DNAJC3: variants seen among roughly 807,000 people sequenced by gnomAD.
The protein encoded by DNAJC3 is dnaJ homolog subfamily C member 3.
A neutral mutation model predicts 68.6 loss-of-function variants in DNAJC3; 38 were observed. That is an observed-to-expected ratio of 0.55 (90% CI 0.43 to 0.73). DNAJC3 has a LOEUF of 0.73. Ranked by LOEUF, DNAJC3 falls within the 30% of genes least tolerant of loss-of-function variation. The pLI, the probability that DNAJC3 is intolerant of heterozygous loss-of-function variation, is 0.00. For missense variants in DNAJC3, 526 were observed against 591.9 expected (o/e 0.89, Z 1.16); for synonymous variants, 203 against 204.0 (o/e 1.00, Z 0.04).
rs774518668 is a variant in DNAJC3, at chr13:95,763,860, G to A, written c.982G>A (p.Val328Ile). The A allele has an allele frequency of 1.9e-6, 3 of 1,614,058 alleles. No homozygotes were observed. The highest frequency in any genetic ancestry group is 2.5e-6 in the Non-Finnish European group (3 of 1,179,952). ...KDEKPVEAIR[V>I]CSEVLQMEPD... ...CGAGAAGCCTGTTGAAGCTATTAGG[G>A]TTTGTTCTGAAGTTTTACAGATGGA... Residue 328 changes from valine to isoleucine, a missense_variant, in exon 9 of 12, where the codon GTT (valine) becomes ATT (isoleucine). Physicochemically the swap from Val to Ile is conservative, Grantham distance 29 (BLOSUM62 3). Transcript: ENST00000602402.
intron 5 of DNAJC3, among the ~76,000 whole-genome samples, chr13:95,759,168 A>T (rs1882748852): frequency 6.6e-6 from 1 of 152,228 alleles, no homozygotes; most frequent in Admixed American, 6.5e-5. Context: ...TGTGTTTCCT[A>T]AACCCTTATG....
At position 95,677,173 on chromosome 13, in the gene DNAJC3, G is replaced by C. The variant is rs1879773666; in HGVS notation, c.-83G>C. The C allele has an allele frequency of 3.7e-6, 5 of 1,335,962 alleles. No individual in the cohort carries two copies. In the Admixed American group the frequency reaches 1.0e-4, roughly 27 times the overall value. The allele number at this position is 1,335,962 out of a possible 1,614,324, so 82.8% of individuals were successfully genotyped here. The stretch of plus-strand genomic sequence containing the variant: ...GAGGCCTGAGCGAGAGCCGACGGCG[G>C]GCGGGCGCAGCTGCTGCCGGAGCGC... On this transcript the variant is annotated 5_prime_UTR_variant, in exon 1 of 12. Coordinates refer to ENST00000602402, the MANE Select transcript of DNAJC3 (RefSeq NM_006260.5).
intron 10 of DNAJC3, 110 bp downstream of exon 10, chr13:95,786,181 G>T: frequency 3.3e-6 from 4 of 1,200,056 alleles, no homozygotes; most frequent in Non-Finnish European, 4.6e-6. Context: ...TGTAATTTCA[G>T]TCATATGGAT....
At chr13:95,753,920 A>C (rs1397000067) in intron 4 of DNAJC3, among the ~76,000 whole-genome samples, 1 of 152,242 alleles carries the variant, frequency 6.6e-6, no homozygotes, top group Non-Finnish European at 1.5e-5. Flanking sequence ...TAATTCATTC[A>C]TCTAGACTTT....
rs1483156590 is a variant in DNAJC3 at position 95,790,994 on chromosome 13, A to G, written c.1479A>G (p.Ser493=). 1.2e-6 allele frequency: 2 copies of G among 1,613,840 alleles called. No individual in the cohort carries two copies. Among genetic ancestry groups the G allele is most frequent in the East Asian group, 2.2e-5 (1 of 44,872 alleles). Residue 493 remains serine (S), a synonymous_variant, in exon 12 of 12, where the codon TCA becomes TCG. Coordinates refer to ENST00000602402, the MANE Select transcript of DNAJC3 (RefSeq NM_006260.5). ...NSWQGFNPFS[S]GGPFRFKFHF... is the part of the protein sequence containing the mutation. ...GGCAAGGGTTCAATCCCTTCAGCTCAGGCGGACCATTTAGATTTAAATTCC... is the reference window on the plus strand; with the variant it reads ...GGCAAGGGTTCAATCCCTTCAGCTCGGGCGGACCATTTAGATTTAAATTCC...
At chr13:95,763,557 A>C in intron 7 of DNAJC3, 86 bp from the exon 8 acceptor site, 1 of 1,291,730 alleles carries the variant, frequency 7.7e-7, no homozygotes, top group East Asian at 2.4e-5. Flanking sequence ...TTGATTAAGC[A>C]ACACATGGTG....
At chr13:95,731,893 C>G (rs1251390421) in intron 4 of DNAJC3, among the ~76,000 whole-genome samples, 3 of 149,490 alleles carry the variant, frequency 2.0e-5, no homozygotes, top group Non-Finnish European at 4.4e-5. Context: ...CATCACCACG[C>G]CTGGCTAATT....
At chr13:95,698,978 A>G (rs1880520745) in intron 1 of DNAJC3, among the ~76,000 whole-genome samples, 2 of 152,166 alleles carry the variant, frequency 1.3e-5, no homozygotes, top group Non-Finnish European at 2.9e-5. Context: ...CAGAATTTTT[A>G]GTATAAGTGC....
intron 4 of DNAJC3, among the ~76,000 whole-genome samples, chr13:95,748,570 C>G (rs1241517011): frequency 6.6e-6 from 1 of 152,068 alleles, no homozygotes; most frequent in Non-Finnish European, 1.5e-5. Context: ...AATCCCAGCA[C>G]TTTGGGAGGT....
intron 1 of DNAJC3, among the ~76,000 whole-genome samples, chr13:95,681,614 A>G (rs1327235095): frequency 6.6e-6 from 1 of 152,220 alleles, no homozygotes; most frequent in Non-Finnish European, 1.5e-5. Flanking sequence ...TTGGCCTCCC[A>G]AAGTGTTGAG....
At chr13:95,691,050 C>T (rs1400343443) in intron 1 of DNAJC3, among the ~76,000 whole-genome samples, 1 of 143,136 alleles carries the variant, frequency 7.0e-6, no homozygotes, top group Non-Finnish European at 1.5e-5. Flanking sequence ...GATGGAGCGG[C>T]TGGCCGGGCA....
chr13:95,709,885 C>T (rs17878352), intron 2 of DNAJC3, among the ~76,000 whole-genome samples: 3 of 152,090 alleles, frequency 2.0e-5, no homozygotes, highest in Non-Finnish European at 2.9e-5. Context: ...GTGATCCGCC[C>T]GCCTCGGCCT....
intron 9 of DNAJC3, among the ~76,000 whole-genome samples, chr13:95,773,450 C>T (rs1388370259): frequency 2.6e-5 from 4 of 151,798 alleles, no homozygotes; most frequent in Admixed American, 6.6e-5. Flanking sequence ...GGACTACAGG[C>T]GTTAAGTCAC....
At chr13:95,700,661 A>G (rs1472658756) in intron 1 of DNAJC3, among the ~76,000 whole-genome samples, 1 of 152,226 alleles carries the variant, frequency 6.6e-6, no homozygotes, top group Non-Finnish European at 1.5e-5. Flanking sequence ...GCTTTTGGTG[A>G]CTAAAATGGC....
intron 2 of DNAJC3, among the ~76,000 whole-genome samples, chr13:95,715,681 T>C (rs1388598807): frequency 1.4e-5 from 2 of 147,698 alleles, no homozygotes; most frequent in Middle Eastern, 3.2e-3. Context: ...AGAGACGGGG[T>C]TTCACCATGT....
chr13:95,761,771 CT>C (rs796680903), intron 7 of DNAJC3, among the ~76,000 whole-genome samples: 338 of 142,504 alleles, frequency 2.4e-3, no homozygotes, highest in East Asian at 5.0e-3. Context: ...TTGGGATTGG[CT>C]TTTTTTTTTT....
At chr13:95,734,610 T>C (rs1267197998) in intron 4 of DNAJC3, among the ~76,000 whole-genome samples, 2 of 152,190 alleles carry the variant, frequency 1.3e-5, no homozygotes, top group Non-Finnish European at 2.9e-5. Flanking sequence ...TAAGTAAGTT[T>C]TTTATCACTG....
At chr13:95,687,849 C>T (rs1351509203) in intron 1 of DNAJC3, among the ~76,000 whole-genome samples, 1 of 152,114 alleles carries the variant, frequency 6.6e-6, no homozygotes, top group Non-Finnish European at 1.5e-5. Flanking sequence ...AGTGTTGAAT[C>T]TGTAGATTGC....
At chr13:95,698,112 C>G (rs1472729137) in intron 1 of DNAJC3, among the ~76,000 whole-genome samples, 1 of 146,832 alleles carries the variant, frequency 6.8e-6, no homozygotes, top group African/African-American at 2.5e-5. Context: ...TTTTTTTTTT[C>G]TCTCCCCCAA....
Sources: gnomAD v4.1 joint callset for allele counts (sites outside exome capture counted in the v4.1 genomes callset) on GRCh38, gnomAD v4.1.1 for gene constraint, MANE v1.5 for transcripts, NCBI Gene and HGNC (gene_info 2026-07-23, HGNC 2026-07-21) for gene names.